Variants in MORC4 observed in about 807,000 individuals in gnomAD.
MORC4 encodes the protein MORC family CW-type zinc finger protein 4.
A neutral mutation model predicts 65.5 loss-of-function variants in MORC4; 22 were observed. The observed-to-expected ratio is 0.34, with a 90% CI of 0.24 to 0.48. MORC4 has a LOEUF of 0.48. MORC4 is among the 20% of genes least tolerant of loss of function. The pLI, the probability that MORC4 is intolerant of heterozygous loss-of-function variation, is 0.99. For missense variants in MORC4, 624 were observed against 703.0 expected, an observed-to-expected ratio of 0.89 and a Z score of 1.27; for synonymous variants, 267 against 255.8, an observed-to-expected ratio of 1.04 and a Z score of -0.42.
In MORC4 at chrX:106,955,023, A is replaced by G. The variant is rs1158968711; in HGVS notation, c.1575T>C (p.Ile525=). The change falls in exon 14 of 17, where the codon ATT becomes ATC. Residue 525 remains isoleucine (I), a synonymous_variant. Coordinates refer to ENST00000355610, the MANE Select transcript of MORC4 (RefSeq NM_024657.5). ...TAGGGCTATGAATTCCCTCATATCCAATTGTCTTGTTATTCAATCCAGCCA... is the reference window on the plus strand; with the variant it reads ...TAGGGCTATGAATTCCCTCATATCCGATTGTCTTGTTATTCAATCCAGCCA... ...QEMAGLNNKT[I]GYEGIHSPSV... is the part of the protein sequence containing the mutation. 3.3e-6 allele frequency: 4 copies of G among 1,207,031 alleles called. No individual in the cohort carries two copies. The highest frequency in any genetic ancestry group is 3.4e-6 in the Non-Finnish European group (3 of 891,740).
chrX:106,970,888 G>T (rs1180906357), intron 9 of MORC4, among the ~76,000 whole-genome samples: 2 of 111,741 alleles, frequency 1.8e-5, no homozygotes, highest in Admixed American at 9.5e-5. Flanking sequence ...TGGCCTTAGT[G>T]CCCAAAGTAA....
Position 106,999,696 on chromosome X carries a change from A to G in MORC4, c.156T>C (p.Ser52=). The part of the protein sequence containing the change: ...SNSSSHTRPF[S]AIAELLDNAV... ...ACTCACCTAGCAGCTCCGCGATGGC[A>G]CTGAAGGGTCGCGTGTGGCTGCTGG... Residue 52 remains serine, a synonymous_variant, in exon 2 of 17, where the codon AGT becomes AGC. Coordinates refer to ENST00000355610, the MANE Select transcript of MORC4 (RefSeq NM_024657.5). 1 of 1,129,671 alleles carries G rather than the reference A, an allele frequency of 8.9e-7. No homozygotes were observed. The highest frequency in any genetic ancestry group is 3.8e-5 in the East Asian group (1 of 26,097). The allele number at this position is 1,129,671 out of a possible 1,213,427, so 93.1% of individuals were successfully genotyped here. A position where few individuals can be genotyped will look rare whatever the true frequency, so the allele number is the denominator to read the frequency against.
At chrX:106,976,706 C>A in intron 8 of MORC4, 22 bp from the exon 9 acceptor site, 1 of 1,084,394 alleles carries the variant, frequency 9.2e-7, no homozygotes, top group Non-Finnish European at 1.3e-6. Context: ...ATATTAATTT[C>A]AACACTTACA....
chrX:106,978,281 C>T (rs1202461638), intron 7 of MORC4, 82 bp from the exon 8 acceptor site: 2 of 996,512 alleles, frequency 2.0e-6, no homozygotes, highest in Non-Finnish European at 2.7e-6. Context: ...CAAAAACCAT[C>T]AAATACCAAG....
chrX:106,966,868 G>C (rs376918510), intron 9 of MORC4, among the ~76,000 whole-genome samples: 1 of 112,649 alleles, frequency 8.9e-6, no homozygotes, highest in African/African-American at 3.2e-5. Context: ...TCCACCTCTG[G>C]GGGCAGGGCA....
chrX:106,992,876 A>G (rs1050765403), intron 3 of MORC4, among the ~76,000 whole-genome samples: 4 of 111,953 alleles, frequency 3.6e-5, no homozygotes, highest in African/African-American at 1.3e-4. Flanking sequence ...TAGCTGGTTA[A>G]ACTGTACTCA....
intron 13 of MORC4, 21 bp from the exon 14 acceptor site, chrX:106,955,109 T>A: frequency 8.8e-7 from 1 of 1,136,850 alleles, no homozygotes; most frequent in Non-Finnish European, 1.2e-6. Context: ...CAGAAATGAT[T>A]TGTAAAAGTC....
intron 4 of MORC4, 117 bp downstream of exon 4, chrX:106,985,866 A>G (rs758803058): frequency 1.1e-5 from 6 of 569,682 alleles, no homozygotes; most frequent in Non-Finnish European, 1.7e-5. Context: ...AATTTAAGAC[A>G]TTTGAATACC....
At chrX:106,970,510 T>C (rs1298391971) in intron 9 of MORC4, among the ~76,000 whole-genome samples, 1 of 111,721 alleles carries the variant, frequency 9.0e-6, no homozygotes, top group Admixed American at 9.5e-5. Flanking sequence ...GGTATTCAAA[T>C]AGGAAGAGAG....
intron 14 of MORC4, among the ~76,000 whole-genome samples, chrX:106,946,125 T>G (rs999998445): frequency 9.0e-6 from 1 of 111,670 alleles, no homozygotes; most frequent in African/African-American, 3.3e-5. Context: ...TAGAAATCTA[T>G]AAATTCACTT....
intron 14 of MORC4, among the ~76,000 whole-genome samples, chrX:106,946,056 C>T (rs2147802915): frequency 8.9e-6 from 1 of 111,941 alleles, no homozygotes; most frequent in African/African-American, 3.2e-5. Flanking sequence ...AATCACGGCC[C>T]TGTAATAGTG....
At position 106,993,372 on chromosome X, in the gene MORC4, G is replaced by C; in HGVS notation, c.176-10C>G. ...GGATCTACAGCATTATCTGCAAAAG[G>C]TAGAAATCTGCGATATTAGATCCCC... On this transcript the variant is annotated splice_polypyrimidine_tract_variant and intron_variant, in intron 2 of 16. Transcript: ENST00000355610. 1 of 1,202,704 alleles carries C rather than the reference G, an allele frequency of 8.3e-7. No individual in the cohort carries two copies. The highest frequency in any genetic ancestry group is 1.1e-6 in the Non-Finnish European group (1 of 890,281).
intron 3 of MORC4, among the ~76,000 whole-genome samples, chrX:106,988,607 ATAAC>A (rs1342558582): frequency 8.9e-6 from 1 of 112,303 alleles, no homozygotes; most frequent in Non-Finnish European, 1.9e-5. Context: ...TACCAATCAA[ATAAC>A]TACCTAACAC....
chrX:106,998,800 C>T (rs943685329), intron 2 of MORC4, among the ~76,000 whole-genome samples: 3 of 112,368 alleles, frequency 2.7e-5, no homozygotes, highest in African/African-American at 9.7e-5. Flanking sequence ...GACTTCTTAC[C>T]CAAGATAACT....
intron 7 of MORC4, among the ~76,000 whole-genome samples, chrX:106,979,033 T>C (rs989590376): frequency 1.5e-4 from 17 of 111,390 alleles, no homozygotes; most frequent in East Asian, 2.8e-4. Context: ...GTGAGAAAGA[T>C]AAAGGGGAGA....
intron 2 of MORC4, among the ~76,000 whole-genome samples, chrX:106,999,090 G>A (rs61458553): frequency 0.065 from 7,298 of 111,618 alleles, 634 homozygotes; most frequent in African/African-American, 0.23. Flanking sequence ...CACCGGTGGA[G>A]CGAGAGGTTA....
intron 9 of MORC4, among the ~76,000 whole-genome samples, chrX:106,973,578 G>T (rs1456458236): frequency 8.9e-6 from 1 of 112,105 alleles, no homozygotes; most frequent in African/African-American, 3.2e-5. Context: ...CAGCAAGTGG[G>T]AATTTAGGTT....
At chrX:106,951,556 G>A (rs1933967926) in intron 14 of MORC4, among the ~76,000 whole-genome samples, 1 of 110,709 alleles carries the variant, frequency 9.0e-6, no homozygotes, top group South Asian at 3.8e-4. Context: ...TATTTGTAGA[G>A]AAGAGGTCTC....
Position 106,943,097 on chromosome X carries a change from C to G in MORC4, c.1794G>C (p.Arg598Ser), listed in dbSNP as rs1933737367. 1 of 1,210,664 alleles carries G rather than the reference C, an allele frequency of 8.3e-7. No individual in the cohort carries two copies. The highest frequency in any genetic ancestry group is 1.1e-6 in the Non-Finnish European group (1 of 894,515). The part of the protein sequence containing the change: ...LDYSMPAPYR[R>S]VEAPVAYPEG... Reference sequence around the variant, plus strand: ...CTGGGTAGGCAACAGGTGCTTCTACCCTCCTGTAAGGAGCAGGCATGGAAT... The same window carrying G: ...CTGGGTAGGCAACAGGTGCTTCTACGCTCCTGTAAGGAGCAGGCATGGAAT... Residue 598 changes from arginine (R) to serine (S), a missense_variant, in exon 15 of 17, where the codon AGG becomes AGC. Transcript: ENST00000355610.
Sources: allele counts gnomAD v4.1 joint callset (sites outside exome capture counted in the v4.1 genomes callset), GRCh38; gene constraint gnomAD v4.1.1; transcripts MANE v1.5; gene names NCBI Gene and HGNC (gene_info 2026-07-23, HGNC 2026-07-21).